The following LOC128706666 variants were observed in gnomAD, a reference collection of about 807,000 sequenced individuals.
chr20:10,433,599 T>A, the LOC128706666 span, among the ~76,000 whole-genome samples: 1 of 152,156 alleles, frequency 6.6e-6, no homozygotes, highest in African/African-American at 2.4e-5. Context: ...TAGAGGGTCA[T>A]CCCTACAAGG....
chr20:10,417,584 T>G, the LOC128706666 span, among the ~76,000 whole-genome samples: 1 of 151,978 alleles, frequency 6.6e-6, no homozygotes, highest in East Asian at 1.9e-4. Flanking sequence ...CACTGTAGCC[T>G]GGGTGACAAA....
the LOC128706666 span, among the ~76,000 whole-genome samples, chr20:10,426,880 G>T: frequency 6.6e-6 from 1 of 152,110 alleles, no homozygotes; most frequent in Non-Finnish European, 1.5e-5. Context: ...AGATTAGCTG[G>T]GTTAGTTCAG....
chr20:10,415,701 CCACA>C, the LOC128706666 span, among the ~76,000 whole-genome samples: 11 of 152,302 alleles, frequency 7.2e-5, no homozygotes, highest in East Asian at 1.9e-3. Flanking sequence ...CATACACACC[CCACA>C]ATAAAAACTA....
the LOC128706666 span, among the ~76,000 whole-genome samples, chr20:10,416,274 GT>G: frequency 6.6e-6 from 1 of 152,080 alleles, no homozygotes; most frequent in East Asian, 1.9e-4. Context: ...ACAGGTGAAA[GT>G]TTTTCCTAAA....
At chr20:10,424,108 T>G in the LOC128706666 span, among the ~76,000 whole-genome samples, 1 of 152,170 alleles carries the variant, frequency 6.6e-6, no homozygotes, top group Non-Finnish European at 1.5e-5. Context: ...TTTTTAGAGT[T>G]TTCATTTAAT....
chr20:10,417,436 C>A, the LOC128706666 span, among the ~76,000 whole-genome samples: 2 of 152,050 alleles, frequency 1.3e-5, no homozygotes, highest in Admixed American at 6.5e-5. Flanking sequence ...CACAGCAAGA[C>A]CCTGGTTCTA....
At chr20:10,423,428 A>G in the LOC128706666 span, among the ~76,000 whole-genome samples, 2 of 152,156 alleles carry the variant, frequency 1.3e-5, no homozygotes, top group Non-Finnish European at 2.9e-5. Context: ...TCAAAAAAAC[A>G]AACCAAAAGC....
chr20:10,414,683 A>G, the LOC128706666 span, among the ~76,000 whole-genome samples: 2 of 152,190 alleles, frequency 1.3e-5, no homozygotes, highest in African/African-American at 4.8e-5. Flanking sequence ...ACAGAAGTGC[A>G]TTTATATCAA....
At chr20:10,431,620 A>T in the LOC128706666 span, 18 of 152,180 alleles carry the variant, frequency 1.2e-4, no homozygotes, top group African/African-American at 3.9e-4. Context: ...TCATTTTTCA[A>T]AATCATAGTT....
At chr20:10,417,394 T>C in the LOC128706666 span, among the ~76,000 whole-genome samples, 1 of 152,150 alleles carries the variant, frequency 6.6e-6, no homozygotes, top group African/African-American at 2.4e-5. Context: ...GAGGATTGCT[T>C]GAGGCCAGAA....
the LOC128706666 span, among the ~76,000 whole-genome samples, chr20:10,427,210 A>C: frequency 6.6e-6 from 1 of 152,218 alleles, no homozygotes; most frequent in South Asian, 2.1e-4. Flanking sequence ...TGCTTCCTGC[A>C]AAATTAGGCC....
At chr20:10,421,327 G>C in the LOC128706666 span, among the ~76,000 whole-genome samples, 2 of 151,194 alleles carry the variant, frequency 1.3e-5, no homozygotes, top group Admixed American at 1.3e-4. Flanking sequence ...TGGAGGCTGA[G>C]TCAGGAGACT....
At chr20:10,421,019 C>A in the LOC128706666 span, among the ~76,000 whole-genome samples, 1 of 152,176 alleles carries the variant, frequency 6.6e-6, no homozygotes. Flanking sequence ...ACATTACCTG[C>A]TGGAAAAGCT....
At chr20:10,420,827 A>G in the LOC128706666 span, 9 of 152,238 alleles carry the variant, frequency 5.9e-5, no homozygotes, top group African/African-American at 2.2e-4. Flanking sequence ...TTACATTTCT[A>G]AATCACTACA....
the LOC128706666 span, among the ~76,000 whole-genome samples, chr20:10,416,369 C>G: frequency 4.0e-5 from 6 of 151,542 alleles, no homozygotes; most frequent in East Asian, 3.9e-4. Context: ...CTTTTCTGCC[C>G]AAAAGTAAGG....
chr20:10,415,802 C>T, the LOC128706666 span, among the ~76,000 whole-genome samples: 1 of 152,204 alleles, frequency 6.6e-6, no homozygotes, highest in East Asian at 1.9e-4. Flanking sequence ...GCCATGTTGG[C>T]ACCTCTGTCA....
the LOC128706666 span, among the ~76,000 whole-genome samples, chr20:10,423,410 C>T: frequency 6.6e-6 from 1 of 151,694 alleles, no homozygotes; most frequent in African/African-American, 2.4e-5. Flanking sequence ...TGATGAAATG[C>T]GATCGTTTCA....
chr20:10,424,954 G>T, the LOC128706666 span, among the ~76,000 whole-genome samples: 1 of 151,878 alleles, frequency 6.6e-6, no homozygotes, highest in African/African-American at 2.4e-5. Flanking sequence ...TCGGGAGGCT[G>T]AGGCAGAAGA....
chr20:10,414,235 G>C, the LOC128706666 span, among the ~76,000 whole-genome samples: 1 of 150,276 alleles, frequency 6.7e-6, no homozygotes, highest in African/African-American at 2.4e-5. Context: ...GAAATGCTAC[G>C]ATATAAAACA....
Sources: gnomAD v4.1 joint callset for allele counts (sites outside exome capture counted in the v4.1 genomes callset) on GRCh38, gnomAD v4.1.1 for gene constraint, MANE v1.5 for transcripts.